Variants in FRMD6 observed in about 807,000 individuals in gnomAD.
The protein encoded by FRMD6 is FERM domain containing 6.
FRMD6 carries 37 observed loss-of-function variants against 73.2 expected under a neutral mutation model. That is an observed-to-expected ratio of 0.51 (90% CI 0.39 to 0.66). FRMD6 has a LOEUF of 0.66. FRMD6 is among the 30% of genes least tolerant of loss of function. The pLI is 0.00. For synonymous variants in FRMD6, 273 were observed against 282.2 expected, an observed-to-expected ratio of 0.97 and a Z score of 0.33; for missense variants, 714 against 780.5, an observed-to-expected ratio of 0.91 and a Z score of 1.02.
chr14:51,521,012 T>C (rs1398783699), intron 1 of FRMD6, among the ~76,000 whole-genome samples: 2 of 152,208 alleles, frequency 1.3e-5, no homozygotes, highest in Non-Finnish European at 2.9e-5. Flanking sequence ...AAAACATAGA[T>C]GCAAAAGAAC....
Position 51,729,396 on chromosome 14 carries a change from T to A in FRMD6, c.*1367T>A, listed in dbSNP as rs1898146571. ...AGACAGTTACCTGTTGTGCTGCTGT[T>A]ACAATATATAATGAAACCAAGTCAG... On this transcript the variant is annotated 3_prime_UTR_variant, in exon 14 of 14. Coordinates refer to ENST00000344768, the MANE Select transcript of FRMD6 (RefSeq NM_001267046.2). 1 of 152,632 alleles carries A rather than the reference T, an allele frequency of 6.6e-6. No individual in the cohort carries two copies. Among genetic ancestry groups the A allele is most frequent in the Admixed American group, 6.5e-5 (1 of 15,278 alleles). The allele number at this position is 152,632 out of a possible 1,614,324, so 9.5% of individuals were successfully genotyped here.
At chr14:51,476,026 G>C in the FRMD6 span, among the ~76,000 whole-genome samples, 1 of 152,228 alleles carries the variant, frequency 6.6e-6, no homozygotes, top group Admixed American at 6.5e-5. Flanking sequence ...GGACCCTGGG[G>C]CTGCCCTGGC....
intron 2 of FRMD6, among the ~76,000 whole-genome samples, chr14:51,634,877 A>AT (rs1891488304): frequency 6.6e-6 from 1 of 151,392 alleles, no homozygotes; most frequent in South Asian, 2.1e-4. Context: ...TTATCTATAT[A>AT]TTTTTTCCAG....
At chr14:51,716,473 A>T (rs1001058511) in intron 10 of FRMD6, among the ~76,000 whole-genome samples, 24 of 152,138 alleles carry the variant, frequency 1.6e-4, no homozygotes, top group African/African-American at 5.1e-4. Flanking sequence ...GTCTGAGACA[A>T]GTTTTGACAC....
intron 1 of FRMD6, among the ~76,000 whole-genome samples, chr14:51,495,250 C>T (rs1225650998): frequency 3.9e-5 from 6 of 152,316 alleles, no homozygotes; most frequent in Non-Finnish European, 7.4e-5. Context: ...GAGATCTCAT[C>T]AGAATGGCCT....
rs555912710 is a variant in FRMD6 at position 51,704,773 on chromosome 14, T to C, written c.396T>C (p.Tyr132=). 1.9e-6 allele frequency: 3 copies of C among 1,612,808 alleles called. No individual in the cohort carries two copies. Among genetic ancestry groups the C allele is most frequent in the South Asian group, 1.1e-5 (1 of 90,990 alleles). The change falls in exon 6 of 14, where the codon TAT becomes TAC. Residue 132 remains tyrosine, a synonymous_variant. Coordinates refer to ENST00000344768, the MANE Select transcript of FRMD6 (RefSeq NM_001267046.2). ...GTGACAGAGCAGCAAGATACTATTA[T>C]TACTGGCACCTGAGAAAACAAGTTC... is the stretch of plus-strand genomic sequence containing the variant. The part of the protein sequence containing the change: ...LISDRAARYY[Y]YWHLRKQVLH...
chr14:51,461,602 T>C, the FRMD6 span, among the ~76,000 whole-genome samples: 1 of 152,224 alleles, frequency 6.6e-6, no homozygotes, highest in African/African-American at 2.4e-5. Context: ...TTTGATGTCC[T>C]TCAAAAATTA....
At chr14:51,402,111 G>A in the FRMD6 span, among the ~76,000 whole-genome samples, 1 of 152,276 alleles carries the variant, frequency 6.6e-6, no homozygotes, top group Non-Finnish European at 1.5e-5. Context: ...ATATACTATT[G>A]GCAGATATCT....
chr14:51,492,260 A>T (rs1400331835), intron 1 of FRMD6, among the ~76,000 whole-genome samples: 1 of 152,190 alleles, frequency 6.6e-6, no homozygotes, highest in African/African-American at 2.4e-5. Flanking sequence ...AACTACTCTC[A>T]GGTAGAGTTT....
At chr14:51,689,971 G>C (rs1166130317) in intron 2 of FRMD6, 36 bp downstream of exon 2, 4 of 1,353,682 alleles carry the variant, frequency 3.0e-6, no homozygotes, top group African/African-American at 1.4e-5. Flanking sequence ...TCTAAATATT[G>C]TGTTTTCACC....
At chr14:51,521,437 C>CT (rs1220997034) in intron 1 of FRMD6, among the ~76,000 whole-genome samples, 1 of 151,962 alleles carries the variant, frequency 6.6e-6, no homozygotes, top group Non-Finnish European at 1.5e-5. Flanking sequence ...TCCATATATT[C>CT]TTTTAACAGT....
intron 1 of FRMD6, among the ~76,000 whole-genome samples, chr14:51,505,999 C>G (rs535976985): frequency 6.6e-6 from 1 of 152,146 alleles, no homozygotes; most frequent in Non-Finnish European, 1.5e-5. Context: ...CCTCCAAAAA[C>G]GCTTCCTGTA....
chr14:51,617,709 A>G (rs1184054884), intron 2 of FRMD6, among the ~76,000 whole-genome samples: 1 of 152,186 alleles, frequency 6.6e-6, no homozygotes, highest in African/African-American at 2.4e-5. Context: ...TAAGAGAACA[A>G]TAAATTTTAA....
rs1263638099 is a variant in FRMD6, at chr14:51,729,470, A to C, written c.*1441A>C. 1.3e-5 allele frequency: 2 copies of C among 152,658 alleles called. No homozygotes were observed. The highest frequency in any genetic ancestry group is 2.9e-5 in the Non-Finnish European group (2 of 68,046). 9.5% of individuals were successfully genotyped at this position (152,658 alleles called of 1,614,324 possible). On this transcript the variant is annotated 3_prime_UTR_variant, in exon 14 of 14. Coordinates refer to ENST00000344768, the MANE Select transcript of FRMD6 (RefSeq NM_001267046.2). Reference sequence around the variant, plus strand: ...GATGTAAAGTAAAAACGTAGTTCACACTTCAGGAGAGAACTTCATAGCACA... The same window carrying C: ...GATGTAAAGTAAAAACGTAGTTCACCCTTCAGGAGAGAACTTCATAGCACA...
chr14:51,531,820 ATTCAT>A (rs1885600513), intron 1 of FRMD6, among the ~76,000 whole-genome samples: 1 of 152,220 alleles, frequency 6.6e-6, no homozygotes, highest in South Asian at 2.1e-4. Context: ...TCAGAAATAC[ATTCAT>A]TTGTCAATTG....
intron 2 of FRMD6, among the ~76,000 whole-genome samples, chr14:51,642,952 A>G (rs1291817606): frequency 1.3e-5 from 2 of 152,186 alleles, no homozygotes; most frequent in Admixed American, 6.5e-5. Flanking sequence ...AAGAGTCAGG[A>G]GAGAATGGCC....
At chr14:51,497,866 A>T (rs2140196650) in intron 1 of FRMD6, among the ~76,000 whole-genome samples, 1 of 152,328 alleles carries the variant, frequency 6.6e-6, no homozygotes, top group African/African-American at 2.4e-5. Context: ...GGCTTCTACG[A>T]ATCTTAGAAG....
intron 1 of FRMD6, among the ~76,000 whole-genome samples, chr14:51,511,176 CAG>C (rs1884285009): frequency 6.6e-6 from 1 of 152,100 alleles, no homozygotes; most frequent in Non-Finnish European, 1.5e-5. Context: ...AGAAGAGAGA[CAG>C]AGACAGATTT....
At chr14:51,475,813 G>A in the FRMD6 span, among the ~76,000 whole-genome samples, 1 of 152,126 alleles carries the variant, frequency 6.6e-6, no homozygotes. Flanking sequence ...GAAAAAGGGA[G>A]GACAATAAGC....
Sources: allele counts gnomAD v4.1 joint callset (sites outside exome capture counted in the v4.1 genomes callset), GRCh38; gene constraint gnomAD v4.1.1; transcripts MANE v1.5; gene names NCBI Gene and HGNC (gene_info 2026-07-23, HGNC 2026-07-21).